DENR: variants seen among roughly 807,000 people sequenced by gnomAD.
DENR encodes density-regulated protein.
DENR carries 6 observed loss-of-function variants against 30.6 expected under a neutral mutation model. That is an observed-to-expected ratio of 0.20 (90% CI 0.11 to 0.39). The LOEUF (loss-of-function observed/expected upper bound fraction) is 0.39, where lower values mean the gene tolerates loss of function less well. Ranked by LOEUF, DENR falls within the 10% of genes least tolerant of loss-of-function variation. The probability of loss-of-function intolerance (pLI) is 1.00; values close to 1 mark genes in which losing one functional copy is unlikely to be tolerated. For missense variants in DENR, 141 were observed against 230.9 expected, an observed-to-expected ratio of 0.61 and a Z score of 2.52; for synonymous variants, 78 against 72.1, an observed-to-expected ratio of 1.08 and a Z score of -0.41.
Position 122,769,455 on chromosome 12 carries a change from T to A in DENR, c.*377T>A. The A allele has an allele frequency of 1.0e-6, 1 of 987,522 alleles. No individual in the cohort carries two copies. The highest frequency in any genetic ancestry group is 1.2e-6 in the Non-Finnish European group (1 of 831,062). 61.2% of individuals were successfully genotyped at this position (987,522 alleles called of 1,614,324 possible). On this transcript the variant is annotated 3_prime_UTR_variant, in exon 8 of 8. Coordinates refer to ENST00000280557, the MANE Select transcript of DENR (RefSeq NM_003677.5). ...CTGTCATGCTCATGCATGAATAGAA[T>A]TTAGTCAAATAAAAAATTTTGGTCA...
intron 3 of DENR, among the ~76,000 whole-genome samples, chr12:122,762,473 A>G (rs1420618189): frequency 6.6e-6 from 1 of 152,240 alleles, no homozygotes; most frequent in Non-Finnish European, 1.5e-5. Context: ...AGCTAATAAA[A>G]TAAGAGTAAC....
chr12:122,752,950 G>A lies in DENR; in HGVS notation c.-10G>A, dbSNP rs1466770846. The A allele has an allele frequency of 6.6e-6, 1 of 152,394 alleles. No homozygotes were observed. Among genetic ancestry groups the A allele is most frequent in the Non-Finnish European group, 1.5e-5 (1 of 68,158 alleles). The allele number at this position is 152,394 out of a possible 1,614,324, so 9.4% of individuals were successfully genotyped here. A position where few individuals can be genotyped will look rare whatever the true frequency, so the allele number is the denominator to read the frequency against. ...CCGGCGGGGCCTGTGCGACCGCCTG[G>A]GTAACGACCCCAAGTGCTTCTCCCG... On this transcript the variant is annotated splice_region_variant and 5_prime_UTR_variant, in exon 1 of 8. Transcript: ENST00000280557.
chr12:122,753,926 G>A (rs1052550893), intron 2 of DENR, 119 bp downstream of exon 2: 17 of 841,144 alleles, frequency 2.0e-5, no homozygotes, highest in Non-Finnish European at 3.2e-5. Context: ...TTTGTACTGG[G>A]GGAGAGGAGT....
chr12:122,765,241 ATTTCT>A (rs933670081), intron 4 of DENR, 58 bp from the exon 5 acceptor site: 57 of 1,387,334 alleles, frequency 4.1e-5, no homozygotes, highest in Non-Finnish European at 5.3e-5. Context: ...CTCAAAGGTG[ATTTCT>A]TTTTTTTTAA....
intron 2 of DENR, among the ~76,000 whole-genome samples, chr12:122,761,983 A>G (rs957338882): frequency 6.6e-6 from 1 of 152,186 alleles, no homozygotes; most frequent in Non-Finnish European, 1.5e-5. Flanking sequence ...TAGATGAAAA[A>G]GTCAAGATAG....
intron 2 of DENR, among the ~76,000 whole-genome samples, chr12:122,760,479 C>G (rs559420544): frequency 6.6e-6 from 1 of 152,132 alleles, no homozygotes. Flanking sequence ...CTCCTGTAAT[C>G]CCAGCACTTT....
chr12:122,755,106 A>G (rs1333856407), intron 2 of DENR, among the ~76,000 whole-genome samples: 2 of 152,206 alleles, frequency 1.3e-5, no homozygotes, highest in African/African-American at 4.8e-5. Flanking sequence ...GAGAGACAGT[A>G]TATGAGCTTT....
chr12:122,764,002 G>A (rs1307091768), intron 4 of DENR, among the ~76,000 whole-genome samples: 1 of 152,194 alleles, frequency 6.6e-6, no homozygotes, highest in East Asian at 1.9e-4. Context: ...TTGGAACTGA[G>A]GGAATGAGTC....
intron 6 of DENR, 103 bp from the exon 7 acceptor site, chr12:122,768,679 A>G: frequency 9.5e-7 from 1 of 1,057,214 alleles, no homozygotes; most frequent in Non-Finnish European, 1.3e-6. Context: ...CCCATTAACA[A>G]TCTGTTTTAT....
At chr12:122,757,291 C>G (rs1878575716) in intron 2 of DENR, among the ~76,000 whole-genome samples, 1 of 152,178 alleles carries the variant, frequency 6.6e-6, no homozygotes. Flanking sequence ...AGCATCTGCT[C>G]TGTGGCAAGC....
rs907261287 is a variant in DENR, at chr12:122,769,273, T to C, written c.*195T>C. The C allele has an allele frequency of 1.3e-6, 1 of 764,240 alleles. No individual in the cohort carries two copies. The highest frequency in any genetic ancestry group is 1.6e-6 in the Non-Finnish European group (1 of 620,920). 47.3% of individuals were successfully genotyped at this position (764,240 alleles called of 1,614,324 possible). On this transcript the variant is annotated 3_prime_UTR_variant, in exon 8 of 8. Coordinates refer to ENST00000280557, the MANE Select transcript of DENR (RefSeq NM_003677.5). ...ATATATATATACATACACATATATG[T>C]ATACATATATACACATATATGTATA...
At chr12:122,761,360 C>T (rs995247669) in intron 2 of DENR, among the ~76,000 whole-genome samples, 26 of 151,820 alleles carry the variant, frequency 1.7e-4, no homozygotes, top group African/African-American at 6.3e-4. Flanking sequence ...TGCAGTGAGC[C>T]GAGATCGTGC....
intron 1 of DENR, among the ~76,000 whole-genome samples, chr12:122,753,295 T>G (rs1013688471): frequency 2.9e-4 from 43 of 150,246 alleles, no homozygotes; most frequent in Admixed American, 1.1e-3. Flanking sequence ...CCCTTGTTCC[T>G]AGGCACTTCC....
chr12:122,761,661 AATTAGCTGGGCATGGTGGTGTGC>A (rs1190651597), intron 2 of DENR, among the ~76,000 whole-genome samples: 1 of 152,124 alleles, frequency 6.6e-6, no homozygotes, highest in African/African-American at 2.4e-5. Context: ...CTCTACAAAA[AATTAGCTGGGCATGGTGGTGTGC>A]ATCTGTAGTC....
intron 1 of DENR, among the ~76,000 whole-genome samples, chr12:122,753,376 A>G (rs1878465416): frequency 6.6e-6 from 1 of 151,938 alleles, no homozygotes; most frequent in South Asian, 2.1e-4. Flanking sequence ...GATCACCCTC[A>G]GACCTTTTTG....
Position 122,769,338 on chromosome 12 carries a change from G to A in DENR, c.*260G>A. On this transcript the variant is annotated 3_prime_UTR_variant, in exon 8 of 8. Transcript: ENST00000280557. ...TGTATACATATATATATATTCTACA[G>A]TAAAACTGTAGACTGTCCTCGTCCT... 5.1e-6 allele frequency: 5 copies of A among 974,126 alleles called. No individual in the cohort carries two copies. The highest frequency in any genetic ancestry group is 6.0e-6 in the Non-Finnish European group (5 of 830,006). 60.3% of individuals were successfully genotyped at this position (974,126 alleles called of 1,614,324 possible). A position where few individuals can be genotyped will look rare whatever the true frequency, so the allele number is the denominator to read the frequency against.
chr12:122,753,832 A>C lies in DENR; in HGVS notation c.106+25A>C, dbSNP rs1878478401. 3 of 1,516,276 alleles carry C rather than the reference A, an allele frequency of 2.0e-6. No individual in the cohort carries two copies. The South Asian group carries it at 3.4e-5, about 17-fold the overall frequency. The allele number at this position is 1,516,276 out of a possible 1,614,324, so 93.9% of individuals were successfully genotyped here. A position where few individuals can be genotyped will look rare whatever the true frequency, so the allele number is the denominator to read the frequency against. On this transcript the variant is annotated intron_variant, in intron 2 of 7. Transcript: ENST00000280557. The stretch of plus-strand genomic sequence containing the variant: ...GGCAAGTGTTGGTAGCCACAGAATG[A>C]CTTTTACTCACTATACTTTTATGCA...
intron 1 of DENR, 106 bp from the exon 2 acceptor site, chr12:122,753,587 G>A (rs1441973817): frequency 6.2e-6 from 5 of 809,802 alleles, no homozygotes. Flanking sequence ...CTCAACAACA[G>A]ACTTGAAACA....
intron 6 of DENR, chr12:122,768,243 A>G (rs1878899553): frequency 6.5e-6 from 1 of 152,722 alleles, no homozygotes; most frequent in South Asian, 2.1e-4. Context: ...CACCTGTTAT[A>G]ATCCCAGCAC....
Sources: allele counts gnomAD v4.1 joint callset (sites outside exome capture counted in the v4.1 genomes callset), GRCh38; gene constraint gnomAD v4.1.1; transcripts MANE v1.5; gene names NCBI Gene and HGNC (gene_info 2026-07-23, HGNC 2026-07-21).